GALNS: variants seen among roughly 807,000 people sequenced by gnomAD.
The protein encoded by GALNS is galactosamine (N-acetyl)-6-sulfatase, also known as N-acetylgalactosamine-6-sulfatase.
In GALNS, 65 loss-of-function variants were observed where a neutral mutation model predicts 65.9. That is an observed-to-expected ratio of 0.99 (90% CI 0.81 to 1.21). The LOEUF (loss-of-function observed/expected upper bound fraction) is 1.21. Among genes scored for constraint, GALNS ranks in the 50% most tolerant of loss-of-function variants. The probability of loss-of-function intolerance (pLI) is 0.00; values close to 1 mark genes in which losing one functional copy is unlikely to be tolerated. For synonymous variants in GALNS, 346 were observed against 288.9 expected, an observed-to-expected ratio of 1.20 and a Z score of -2.00; for missense variants, 776 against 700.7, an observed-to-expected ratio of 1.11 and a Z score of -1.21.
intron 1 of GALNS, chr16:88,856,025 G>C (rs961460834): frequency 3.3e-6 from 2 of 609,916 alleles, no homozygotes; most frequent in Non-Finnish European, 5.9e-6. Flanking sequence ...TTTCAACCCA[G>C]GTGTGTCTGG....
chr16:88,841,984 G>T lies in GALNS; in HGVS notation c.245-13C>A. 6.2e-7 allele frequency: 1 copy of T among 1,607,142 alleles called. No individual in the cohort carries two copies. Among genetic ancestry groups the T allele is most frequent in the South Asian group, 1.1e-5 (1 of 89,788 alleles). Reference sequence around the variant, plus strand: ...AGTGCCGCCCTCGCTATGTGGAGGTGACAGAAACAGAAACTGGATAAGAAG... The same window carrying T: ...AGTGCCGCCCTCGCTATGTGGAGGTTACAGAAACAGAAACTGGATAAGAAG... On this transcript the variant is annotated splice_polypyrimidine_tract_variant and intron_variant, in intron 2 of 13. Coordinates refer to ENST00000268695, the MANE Select transcript of GALNS (RefSeq NM_000512.5).
At chr16:88,853,246 C>T (rs1160103010) in intron 1 of GALNS, among the ~76,000 whole-genome samples, 11 of 99,238 alleles carry the variant, frequency 1.1e-4, no homozygotes, top group South Asian at 8.0e-4. Flanking sequence ...AGTGAGACTC[C>T]ATCTCAAAAA....
intron 5 of GALNS, among the ~76,000 whole-genome samples, chr16:88,837,028 G>C (rs1240559682): frequency 6.6e-6 from 1 of 152,242 alleles, no homozygotes; most frequent in African/African-American, 2.4e-5. Flanking sequence ...TCTAGAAAGA[G>C]GCAGCAAGCT....
At chr16:88,816,515 C>T (rs1723825593) in intron 13 of GALNS, 1 of 397,818 alleles carries the variant, frequency 2.5e-6, no homozygotes, top group African/African-American at 2.3e-5. Flanking sequence ...TGCCAGGCAC[C>T]CCCGCCCCCC....
At chr16:88,823,786 G>A (rs1910508664) in intron 11 of GALNS, among the ~76,000 whole-genome samples, 1 of 145,160 alleles carries the variant, frequency 6.9e-6, no homozygotes, top group Non-Finnish European at 1.5e-5. Context: ...CAATGCCCGG[G>A]GACCGATGCC....
chr16:88,840,828 G>A, intron 4 of GALNS, 164 bp downstream of exon 4: 1 of 680,732 alleles, frequency 1.5e-6, no homozygotes, highest in South Asian at 1.6e-5. Context: ...GGTCACGCTG[G>A]CCTGCACAGG....
rs1909375078 is a variant in GALNS, at chr16:88,814,026, T to C, written c.*413A>G. On this transcript the variant is annotated 3_prime_UTR_variant, in exon 14 of 14. Coordinates refer to ENST00000268695, the MANE Select transcript of GALNS (RefSeq NM_000512.5). ...GTACGCCATACACATACTGATCTTGTGTCTCCCTAAGATGTATAAAGGCAA... is the reference window on the plus strand; with the variant it reads ...GTACGCCATACACATACTGATCTTGCGTCTCCCTAAGATGTATAAAGGCAA... 3.0e-6 allele frequency: 1 copy of C among 329,036 alleles called. No individual in the cohort carries two copies. The highest frequency in any genetic ancestry group is 2.7e-5 in the South Asian group (1 of 37,704). 20.4% of individuals were successfully genotyped at this position (329,036 alleles called of 1,614,324 possible).
chr16:88,815,669 C>T lies in GALNS; in HGVS notation c.1483-1144G>A, dbSNP rs146940156. On this transcript the variant is annotated intron_variant, in intron 13 of 13. Coordinates refer to ENST00000268695, the MANE Select transcript of GALNS (RefSeq NM_000512.5). ...GCCGCATGGCCCTGAGGGCACTTTC[C>T]GGGGACAGACTTTGGATTCTGGGTG... 446 of 985,462 alleles carry T rather than the reference C, an allele frequency of 4.5e-4. 7 individuals are homozygous for T. The East Asian group carries it at 0.03, about 67-fold the overall frequency. The allele number at this position is 985,462 out of a possible 1,614,324, so 61.0% of individuals were successfully genotyped here.
rs1966963356 is a variant in GALNS at position 88,841,347 on chromosome 16, T to C, written c.320-253A>G. Reference sequence around the variant, plus strand: ...GACTCCGTGCCCCCCAGCGCCTTCCTTGGGACTCCTGCCCACCCTCAGGCC... The same window carrying C: ...GACTCCGTGCCCCCCAGCGCCTTCCCTGGGACTCCTGCCCACCCTCAGGCC... On this transcript the variant is annotated intron_variant, in intron 3 of 13. Coordinates refer to ENST00000268695, the MANE Select transcript of GALNS (RefSeq NM_000512.5). 2.6e-5 allele frequency among the ~76,000 whole-genome samples: 4 copies of C among 152,100 alleles called. No homozygotes were observed. In the South Asian group the frequency reaches 8.3e-4, roughly 32 times the overall value.
Position 88,822,621 on chromosome 16 carries a change from CA to C in GALNS, c.1331del (p.Leu444ArgfsTer51). 1 of 1,612,992 alleles carries C rather than the reference CA, an allele frequency of 6.2e-7. No individual in the cohort carries two copies. The highest frequency in any genetic ancestry group is 8.5e-7 in the Non-Finnish European group (1 of 1,179,854). ...DHTKLPLIFH[L>X]GRDPGERFPL... ...GGAACCTCTCCCCTGGGTCCCGTCC[CA>C]GGTGGAAGATCAGGGGCAGCTTCGT... On this transcript the variant is annotated frameshift_variant, in exon 12 of 14. Transcript: ENST00000268695. LOFTEE classifies it high-confidence loss of function.
chr16:88,817,327 C>A (rs541572911), intron 13 of GALNS: 2 of 985,328 alleles, frequency 2.0e-6, no homozygotes, highest in Non-Finnish European at 1.2e-6. Flanking sequence ...TGTTTCTGGC[C>A]GATGCTGGCG....
At chr16:88,825,735 T>C (rs1454837026) in intron 10 of GALNS, among the ~76,000 whole-genome samples, 2 of 151,956 alleles carry the variant, frequency 1.3e-5, no homozygotes, top group African/African-American at 2.4e-5. Context: ...CTCCTGACCA[T>C]GTTGGGCCTG....
intron 1 of GALNS, among the ~76,000 whole-genome samples, chr16:88,851,558 C>T (rs578049391): frequency 2.1e-4 from 32 of 152,244 alleles, no homozygotes; most frequent in Admixed American, 1.4e-3. Context: ...GGTGGGGCAT[C>T]GCCTCACTCA....
intron 12 of GALNS, among the ~76,000 whole-genome samples, chr16:88,821,947 G>C (rs7188107): frequency 3.3e-5 from 5 of 151,868 alleles, no homozygotes; most frequent in South Asian, 4.1e-4. Context: ...CTGGGGTGAG[G>C]GGGGGAAGCC....
At chr16:88,848,670 C>T (rs536685195) in intron 1 of GALNS, among the ~76,000 whole-genome samples, 117 of 151,988 alleles carry the variant, frequency 7.7e-4, no homozygotes, top group African/African-American at 2.7e-3. Context: ...GCGTTTGACT[C>T]GCTGGGTCCT....
chr16:88,835,814 G>C lies in GALNS; in HGVS notation c.669C>G (p.His223Gln), dbSNP rs1447728614. Residue 223 changes from histidine to glutamine, a missense_variant, in exon 7 of 14, where the codon CAC (histidine) becomes CAG (glutamine). Physicochemically the swap from His to Gln is conservative, Grantham distance 24. Transcript: ENST00000268695. ...ALDFIKRQAR[H>Q]HPFFLYWAVD... Reference sequence around the variant, plus strand: ...CAGCCCAGTAGAGGAAAAAGGGGTGGTGCCGTGCCTGTCTCTTAATGAAGT... The same window carrying C: ...CAGCCCAGTAGAGGAAAAAGGGGTGCTGCCGTGCCTGTCTCTTAATGAAGT... 4 of 1,614,186 alleles carry C rather than the reference G, an allele frequency of 2.5e-6. No homozygotes were observed. Among genetic ancestry groups the C allele is most frequent in the Non-Finnish European group, 3.4e-6 (4 of 1,180,030 alleles).
At chr16:88,835,070 G>A (rs970819387) in intron 8 of GALNS, 143 bp downstream of exon 8, 20 of 1,080,022 alleles carry the variant, frequency 1.9e-5, no homozygotes, top group East Asian at 1.6e-4. Context: ...CTCGAGGCTC[G>A]GTGACATCTG....
intron 11 of GALNS, 89 bp downstream of exon 11, chr16:88,824,678 C>G: frequency 9.2e-7 from 1 of 1,082,510 alleles, no homozygotes; most frequent in Non-Finnish European, 1.4e-6. Flanking sequence ...GTCTCACCCT[C>G]CTGTGCCTCC....
chr16:88,856,240 C>T (rs1290126325), intron 1 of GALNS: 3 of 702,946 alleles, frequency 4.3e-6, no homozygotes, highest in Admixed American at 2.0e-5. Flanking sequence ...ACAGAGACAG[C>T]CGTCAGGTAA....
Sources: allele counts gnomAD v4.1 joint callset (sites outside exome capture counted in the v4.1 genomes callset), GRCh38; gene constraint gnomAD v4.1.1; transcripts MANE v1.5; gene names NCBI Gene and HGNC (gene_info 2026-07-23, HGNC 2026-07-21).